Variants in RET observed in about 807,000 individuals in gnomAD.
RET encodes the protein ret proto-oncogene.
A neutral mutation model predicts 118.3 loss-of-function variants in RET; 19 were observed. That is an observed-to-expected ratio of 0.16 (90% CI 0.11 to 0.24). The LOEUF (loss-of-function observed/expected upper bound fraction) is 0.24, where lower values mean the gene tolerates loss of function less well. Ranked by LOEUF, RET falls within the 10% of genes least tolerant of loss-of-function variation. The pLI, the probability that RET is intolerant of heterozygous loss-of-function variation, is 1.00. For missense variants in RET, 1,219 were observed against 1,502.1 expected (o/e 0.81, Z 3.12); for synonymous variants, 597 against 644.1 (o/e 0.93, Z 1.11).
Position 43,129,376 on chromosome 10 carries a change from T to TGA in RET, c.*1107_*1108insGA, listed in dbSNP as rs1838400280. The TGA allele has an allele frequency of 4.3e-6, 1 of 233,646 alleles. No homozygotes were observed. The highest frequency in any genetic ancestry group is 2.2e-5 in the African/African-American group (1 of 45,352). The allele number at this position is 233,646 out of a possible 1,614,324, so 14.5% of individuals were successfully genotyped here. A position where few individuals can be genotyped will look rare whatever the true frequency, so the allele number is the denominator to read the frequency against. Reference sequence around the variant, plus strand: ...TGTGAAAAAGATGGTGTTTGGCTCTTATAGAGCCTGTGTGAAAGGCCCATG... The same window carrying TGA: ...TGTGAAAAAGATGGTGTTTGGCTCTTGAATAGAGCCTGTGTGAAAGGCCCATG... On this transcript the variant is annotated 3_prime_UTR_variant, in exon 20 of 20. Coordinates refer to ENST00000355710, the MANE Select transcript of RET (RefSeq NM_020975.6).
chr10:43,111,532 C>G (rs1837928907), intron 7 of RET, 67 bp downstream of exon 7: 9 of 1,538,132 alleles, frequency 5.9e-6, no homozygotes, highest in Non-Finnish European at 7.9e-6. Flanking sequence ...GCCTCCTGCC[C>G]TTTGAGAAAA....
chr10:43,106,268 G>A lies in RET; in HGVS notation c.868-108G>A, dbSNP rs1327659441. 11 of 1,094,408 alleles carry A rather than the reference G, an allele frequency of 1.0e-5. No individual in the cohort carries two copies. Among genetic ancestry groups the A allele is most frequent in the African/African-American group, 1.5e-5 (1 of 64,798 alleles). The allele number at this position is 1,094,408 out of a possible 1,614,324, so 67.8% of individuals were successfully genotyped here. A position where few individuals can be genotyped will look rare whatever the true frequency, so the allele number is the denominator to read the frequency against. ...ACCTGGCTCTGACAACACACATCTGGTCCACCTATGGGCTGTGTGGGACGT... is the reference window on the plus strand; with the variant it reads ...ACCTGGCTCTGACAACACACATCTGATCCACCTATGGGCTGTGTGGGACGT... On this transcript the variant is annotated intron_variant, in intron 4 of 19. Transcript: ENST00000355710. This position sits in a 1 kb window ranked among gnomAD's most constrained non-coding sequence, Gnocchi z 5.1.
intron 1 of RET, among the ~76,000 whole-genome samples, chr10:43,081,028 C>T (rs1480202989): frequency 6.6e-6 from 1 of 152,138 alleles, no homozygotes; most frequent in Non-Finnish European, 1.5e-5. Flanking sequence ...CAGGGCCTTC[C>T]TCCTCATTTT....
chr10:43,077,287 G>A lies in RET; in HGVS notation c.29G>A (p.Gly10Glu), dbSNP rs1303812507. Residue 10 changes from glycine (G) to glutamate (E), a missense_variant, in exon 1 of 20, where the codon GGG becomes GAG. Physicochemically the swap from Gly to Glu is moderately conservative, Grantham distance 98. Around this residue, in one of 5 missense-constraint regions of RET, gnomAD observed 38 missense variants for 33.1 expected, o/e 1.15. Coordinates refer to ENST00000355710, the MANE Select transcript of RET (RefSeq NM_020975.6). MAKATSGAA[G>E]LRLLLLLLLP... The stretch of plus-strand genomic sequence containing the variant: ...GCGAAGGCGACGTCCGGTGCCGCGG[G>A]GCTGCGTCTGCTGTTGCTGCTGCTG... 1 of 1,509,480 alleles carries A rather than the reference G, an allele frequency of 6.6e-7. No homozygotes were observed. Among genetic ancestry groups the A allele is most frequent in the Non-Finnish European group, 8.8e-7 (1 of 1,134,588 alleles). The allele number at this position is 1,509,480 out of a possible 1,614,324, so 93.5% of individuals were successfully genotyped here. A position where few individuals can be genotyped will look rare whatever the true frequency, so the allele number is the denominator to read the frequency against.
intron 5 of RET, among the ~76,000 whole-genome samples, chr10:43,107,667 G>C (rs1837815940): frequency 6.6e-6 from 1 of 152,140 alleles, no homozygotes; most frequent in Admixed American, 6.5e-5. Context: ...GCCAGGATGA[G>C]TGACCACAGC....
chr10:43,123,911 G>C, intron 17 of RET, 103 bp downstream of exon 17: 2 of 1,560,602 alleles, frequency 1.3e-6, no homozygotes, highest in Non-Finnish European at 1.8e-6. Flanking sequence ...ACCAGGAGAA[G>C]TGGGGGGTGG....
rs1257867867 is a variant in RET at position 43,128,920 on chromosome 10, A to T, written c.*651A>T. 8.3e-6 allele frequency: 2 copies of T among 241,188 alleles called. No individual in the cohort carries two copies. Among genetic ancestry groups the T allele is most frequent in the Non-Finnish European group, 1.6e-5 (2 of 122,570 alleles). 14.9% of individuals were successfully genotyped at this position (241,188 alleles called of 1,614,324 possible). On this transcript the variant is annotated 3_prime_UTR_variant, in exon 20 of 20. Coordinates refer to ENST00000355710, the MANE Select transcript of RET (RefSeq NM_020975.6). Reference sequence around the variant, plus strand: ...ACATTTGGTTTTCATCATGATTAAGATGATTCCTAGATTTAGCACAATGGA... The same window carrying T: ...ACATTTGGTTTTCATCATGATTAAGTTGATTCCTAGATTTAGCACAATGGA...
At chr10:43,078,335 C>A in intron 1 of RET, among the ~76,000 whole-genome samples, 1 of 152,240 alleles carries the variant, frequency 6.6e-6, no homozygotes, top group Non-Finnish European at 1.5e-5. Flanking sequence ...GCTTTCTCTC[C>A]CCACAGCCTT....
In RET at chr10:43,129,543, G is replaced by C. The variant is rs147336674; in HGVS notation, c.*1274G>C. The C allele has an allele frequency of 6.3e-4, 150 of 237,900 alleles. 1 individual carries two copies. Among genetic ancestry groups the C allele is most frequent in the African/African-American group, 2.6e-3 (118 of 45,600 alleles). 14.7% of individuals were successfully genotyped at this position (237,900 alleles called of 1,614,324 possible). A position where few individuals can be genotyped will look rare whatever the true frequency, so the allele number is the denominator to read the frequency against. Reference sequence around the variant, plus strand: ...ATGCACAACACTCCTCCAGTCTTGTGGGGGCAGCTTTTGGGAAGTCTCAGC... The same window carrying C: ...ATGCACAACACTCCTCCAGTCTTGTCGGGGCAGCTTTTGGGAAGTCTCAGC... On this transcript the variant is annotated 3_prime_UTR_variant, in exon 20 of 20. Transcript: ENST00000355710.
chr10:43,127,007 C>CAAG, intron 19 of RET: 1 of 1,341,004 alleles, frequency 7.5e-7, no homozygotes, highest in Non-Finnish European at 9.6e-7. Flanking sequence ...CAGGGGAGAC[C>CAAG]AAGAACAGGT....
chr10:43,082,599 C>T (rs1837208926), intron 1 of RET, among the ~76,000 whole-genome samples: 1 of 131,954 alleles, frequency 7.6e-6, no homozygotes, highest in Non-Finnish European at 1.8e-5. Context: ...CCACTCCTGG[C>T]CCTTGCTCCT....
intron 16 of RET, among the ~76,000 whole-genome samples, chr10:43,122,580 A>G (rs1380324734): frequency 6.6e-6 from 1 of 152,174 alleles, no homozygotes; most frequent in Non-Finnish European, 1.5e-5. Context: ...AAAGTGTTCT[A>G]CAGTCAGCAG....
intron 1 of RET, among the ~76,000 whole-genome samples, chr10:43,094,898 G>A (rs1055742543): frequency 6.6e-6 from 1 of 152,212 alleles, no homozygotes; most frequent in East Asian, 1.9e-4. Context: ...GAGAATGAGT[G>A]TGTGTGAGAG....
chr10:43,095,183 G>C (rs894360096), intron 1 of RET, among the ~76,000 whole-genome samples: 1 of 152,140 alleles, frequency 6.6e-6, no homozygotes, highest in African/African-American at 2.4e-5. Flanking sequence ...CTTAGGGCAC[G>C]GGAGCTGAGG....
intron 5 of RET, among the ~76,000 whole-genome samples, chr10:43,107,176 T>C: frequency 6.6e-6 from 1 of 152,198 alleles, no homozygotes; most frequent in Non-Finnish European, 1.5e-5. Flanking sequence ...TTGGGGTCTG[T>C]GTCTGGTGGA....
chr10:43,102,796 T>A, intron 3 of RET, 167 bp downstream of exon 3: 1 of 804,142 alleles, frequency 1.2e-6, no homozygotes, highest in Non-Finnish European at 2.0e-6. Flanking sequence ...GGTACTGTTC[T>A]AGGAGCTAAG....
chr10:43,086,609 G>A lies in RET; in HGVS notation c.73+9278G>A, dbSNP rs537638504. Among the ~76,000 whole-genome samples, 25 of 152,234 alleles carry A rather than the reference G, an allele frequency of 1.6e-4. No individual in the cohort carries two copies. Among genetic ancestry groups the A allele is most frequent in the Non-Finnish European group, 2.6e-4 (18 of 68,042 alleles). ...CCAAGGGGGCCAGTGACCCTTACATGGTCATCCACAGGCCACTTGGGTGGC... is the reference window on the plus strand; with the variant it reads ...CCAAGGGGGCCAGTGACCCTTACATAGTCATCCACAGGCCACTTGGGTGGC... On this transcript the variant is annotated intron_variant, in intron 1 of 19. Coordinates refer to ENST00000355710, the MANE Select transcript of RET (RefSeq NM_020975.6).
At position 43,114,377 on chromosome 10, in the gene RET, G is replaced by A. The variant is rs989020351; in HGVS notation, c.1880-103G>A. On this transcript the variant is annotated intron_variant, in intron 10 of 19. Transcript: ENST00000355710. This position sits in a 1 kb window ranked among gnomAD's most constrained non-coding sequence, Gnocchi z 4.6. The stretch of plus-strand genomic sequence containing the variant: ...TCCATGGCCACTTCCCAGCTGGCGC[G>A]GACACGGCAGGCTGGAGAGCCATGA... The A allele has an allele frequency of 3.3e-5, 50 of 1,511,488 alleles. No homozygotes were observed. The Admixed American group carries it at 6.3e-4, about 19-fold the overall frequency. The allele number at this position is 1,511,488 out of a possible 1,614,324, so 93.6% of individuals were successfully genotyped here.
At chr10:43,097,173 C>G (rs1837539135) in intron 1 of RET, among the ~76,000 whole-genome samples, 1 of 152,134 alleles carries the variant, frequency 6.6e-6, no homozygotes, top group Non-Finnish European at 1.5e-5. Context: ...CTTTGGGAAG[C>G]CCAGGCCTGT....
Sources: gnomAD v4.1 joint callset for allele counts (sites outside exome capture counted in the v4.1 genomes callset) on GRCh38, gnomAD v4.1.1 for gene constraint, gnomAD v4.1.1 regional missense constraint, Gnocchi (gnomAD v3.1) non-coding constraint, MANE v1.5 for transcripts, NCBI Gene and HGNC (gene_info 2026-07-23, HGNC 2026-07-21) for gene names.